Variants in SCFD2 observed in about 807,000 individuals in gnomAD.
The protein encoded by SCFD2 is sec1 family domain-containing protein 2.
A neutral mutation model predicts 58.9 loss-of-function variants in SCFD2; 54 were observed. The ratio of observed to expected loss-of-function variants is 0.92; its 90% CI spans 0.74 to 1.15. The LOEUF is 1.15. Ranked by LOEUF, SCFD2 falls within the 50% of genes most tolerant of loss-of-function variation. The probability of loss-of-function intolerance (pLI) is 0.00; values close to 1 mark genes in which losing one functional copy is unlikely to be tolerated. For missense variants in SCFD2, 805 were observed against 836.6 expected, an observed-to-expected ratio of 0.96 and a Z score of 0.47; for synonymous variants, 321 against 335.9, an observed-to-expected ratio of 0.96 and a Z score of 0.49.
chr4:53,101,366 C>G (rs560997166), intron 5 of SCFD2, among the ~76,000 whole-genome samples: 49 of 152,234 alleles, frequency 3.2e-4, no homozygotes, highest in African/African-American at 1.2e-3. Flanking sequence ...GAATGATATT[C>G]TAATTTGATA....
At chr4:52,993,271 T>G (rs1053955156) in intron 5 of SCFD2, among the ~76,000 whole-genome samples, 1 of 151,890 alleles carries the variant, frequency 6.6e-6, no homozygotes, top group South Asian at 2.1e-4. Context: ...GGCCGCAGGG[T>G]CCTCTGCCTA....
At chr4:53,230,737 G>A (rs898950709) in intron 4 of SCFD2, among the ~76,000 whole-genome samples, 27 of 151,680 alleles carry the variant, frequency 1.8e-4, no homozygotes, top group African/African-American at 4.8e-4. Context: ...AAACCTGCAC[G>A]TTGTGCACAT....
chr4:53,184,306 T>C (rs1727677574), intron 4 of SCFD2, among the ~76,000 whole-genome samples: 1 of 152,106 alleles, frequency 6.6e-6, no homozygotes, highest in South Asian at 2.1e-4. Context: ...GTGGGAGATG[T>C]AGTGAAATTA....
At chr4:52,985,210 G>T (rs533184304) in intron 5 of SCFD2, among the ~76,000 whole-genome samples, 47 of 152,270 alleles carry the variant, frequency 3.1e-4, no homozygotes, top group Non-Finnish European at 5.0e-4. Context: ...GGTCATCCTT[G>T]CCCTGCTCCC....
intron 2 of SCFD2, among the ~76,000 whole-genome samples, chr4:53,344,179 T>G (rs1560458282): frequency 6.6e-6 from 1 of 151,846 alleles, no homozygotes; most frequent in Non-Finnish European, 1.5e-5. Context: ...GCAGATGACA[T>G]GATTGTATAT....
intron 5 of SCFD2, among the ~76,000 whole-genome samples, chr4:52,960,569 A>C (rs1364491404): frequency 6.6e-6 from 1 of 151,932 alleles, no homozygotes; most frequent in Admixed American, 6.6e-5. Flanking sequence ...GGGTTTCTCC[A>C]CGTTGGTCAG....
chr4:52,945,825 C>A (rs572617333), intron 5 of SCFD2: 1 of 152,232 alleles, frequency 6.6e-6, no homozygotes, highest in African/African-American at 2.4e-5. Flanking sequence ...CTTTCTCTAA[C>A]CTTTCAGTTA....
At chr4:53,347,624 A>G (rs1373819286) in intron 2 of SCFD2, among the ~76,000 whole-genome samples, 1 of 152,226 alleles carries the variant, frequency 6.6e-6, no homozygotes, top group Non-Finnish European at 1.5e-5. Flanking sequence ...GTGTATCTGC[A>G]GGAATAATGA....
At chr4:53,355,341 T>C (rs1199637156) in intron 1 of SCFD2, among the ~76,000 whole-genome samples, 1 of 152,226 alleles carries the variant, frequency 6.6e-6, no homozygotes, top group Admixed American at 6.5e-5. Flanking sequence ...TTCATTTTTT[T>C]CTCTAGCTAT....
intron 5 of SCFD2, among the ~76,000 whole-genome samples, chr4:52,988,647 G>A (rs1163557837): frequency 6.6e-6 from 1 of 152,160 alleles, no homozygotes; most frequent in East Asian, 1.9e-4. Context: ...GACATTTTCT[G>A]AGGGACGCCA....
chr4:52,911,214 G>A (rs1719478253), intron 6 of SCFD2, among the ~76,000 whole-genome samples: 1 of 152,238 alleles, frequency 6.6e-6, no homozygotes, highest in African/African-American at 2.4e-5. Context: ...TATCTGGGGT[G>A]ATAGGATTTG....
chr4:53,339,574 A>T (rs1245445826), intron 2 of SCFD2, among the ~76,000 whole-genome samples: 2 of 152,146 alleles, frequency 1.3e-5, no homozygotes, highest in African/African-American at 4.8e-5. Flanking sequence ...GTTCAAGAGC[A>T]GCCTGGCCAA....
At chr4:53,136,783 G>C (rs1407684221) in intron 5 of SCFD2, among the ~76,000 whole-genome samples, 1 of 152,182 alleles carries the variant, frequency 6.6e-6, no homozygotes, top group Non-Finnish European at 1.5e-5. Context: ...CCTGTGCTCA[G>C]AGCCTCTACA....
chr4:53,301,284 C>A (rs1314298392), intron 3 of SCFD2, among the ~76,000 whole-genome samples: 2 of 152,176 alleles, frequency 1.3e-5, no homozygotes, highest in African/African-American at 2.4e-5. Context: ...ACCAATCCCA[C>A]AGAAATACAA....
Position 53,193,116 on chromosome 4 carries a change from G to T in SCFD2, c.1312-47534C>A, listed in dbSNP as rs566461009. Among the ~76,000 whole-genome samples the T allele has an allele frequency of 5.8e-4, 88 of 152,208 alleles. No individual in the cohort carries two copies. In the Middle Eastern group the frequency reaches 0.014, roughly 24 times the overall value. On this transcript the variant is annotated intron_variant, in intron 4 of 8. Transcript: ENST00000401642. Reference sequence around the variant, plus strand: ...CCTGAAAACTAAGGATAACTTTAAGGTCAGCCAAATAAAGTTTTCAGGAAT... The same window carrying T: ...CCTGAAAACTAAGGATAACTTTAAGTTCAGCCAAATAAAGTTTTCAGGAAT...
At chr4:52,901,109 G>C (rs574047643) in intron 7 of SCFD2, among the ~76,000 whole-genome samples, 1 of 152,214 alleles carries the variant, frequency 6.6e-6, no homozygotes, top group Admixed American at 6.5e-5. Flanking sequence ...GCGATGCCTC[G>C]ACCTGCTTTG....
chr4:53,040,550 G>A (rs1447768905), intron 5 of SCFD2, among the ~76,000 whole-genome samples: 1 of 152,080 alleles, frequency 6.6e-6, no homozygotes, highest in African/African-American at 2.4e-5. Context: ...CTGTAAAATG[G>A]AAAGTACCTA....
intron 7 of SCFD2, among the ~76,000 whole-genome samples, chr4:52,893,810 T>C (rs1252787236): frequency 1.3e-5 from 2 of 152,256 alleles, no homozygotes; most frequent in African/African-American, 4.8e-5. Flanking sequence ...GCTGTTCTCA[T>C]GCAGGGCAGA....
At chr4:53,077,882 A>G (rs748602788) in intron 5 of SCFD2, among the ~76,000 whole-genome samples, 1 of 152,154 alleles carries the variant, frequency 6.6e-6, no homozygotes, top group Non-Finnish European at 1.5e-5. Flanking sequence ...ACTGGATTTT[A>G]TGTCTAAAAT....
Sources: allele counts gnomAD v4.1 joint callset (sites outside exome capture counted in the v4.1 genomes callset), GRCh38; gene constraint gnomAD v4.1.1; transcripts MANE v1.5; gene names NCBI Gene and HGNC (gene_info 2026-07-23, HGNC 2026-07-21).